Variants in MEPE observed in about 807,000 individuals in gnomAD.
MEPE encodes matrix extracellular phosphoglycoprotein.
In MEPE, 7 loss-of-function variants were observed where a neutral mutation model predicts 7.3. The observed-to-expected ratio is 0.95, with a 90% CI of 0.54 to 1.79. The LOEUF is 1.79. MEPE is among the 40% of genes most tolerant of loss of function. The pLI is 0.00. For missense variants in MEPE, 623 were observed against 628.2 expected, an observed-to-expected ratio of 0.99 and a Z score of 0.09; for synonymous variants, 214 against 213.1, an observed-to-expected ratio of 1.00 and a Z score of -0.04.
At chr4:87,822,270 C>T (rs1722355798) in intron 1 of MEPE, among the ~76,000 whole-genome samples, 1 of 152,166 alleles carries the variant, frequency 6.6e-6, no homozygotes, top group African/African-American at 2.4e-5. Context: ...AATCACCTGA[C>T]TCATCATGCT....
chr4:87,840,852 GA>G (rs1475237358), intron 3 of MEPE, among the ~76,000 whole-genome samples: 1 of 152,104 alleles, frequency 6.6e-6, no homozygotes, highest in Non-Finnish European at 1.5e-5. Context: ...CGTTCTCCAT[GA>G]AAAAACTCAT....
At chr4:87,839,811 T>G (rs1021785009) in intron 3 of MEPE, 1 of 1,545,304 alleles carries the variant, frequency 6.5e-7, no homozygotes, top group African/African-American at 1.4e-5. Context: ...ATTCTCAGCA[T>G]GACTAAACTC....
intron 3 of MEPE, chr4:87,839,955 C>G: frequency 6.5e-7 from 1 of 1,535,684 alleles, no homozygotes; most frequent in Admixed American, 2.0e-5. Flanking sequence ...CTACAAAACT[C>G]TGGGTCCCAG....
intron 2 of MEPE, among the ~76,000 whole-genome samples, chr4:87,835,674 G>C (rs1006111010): frequency 6.6e-6 from 1 of 151,972 alleles, no homozygotes; most frequent in African/African-American, 2.4e-5. Context: ...GTGCAACAAG[G>C]GTGTGCAGTA....
chr4:87,823,873 T>C (rs565167162), intron 1 of MEPE, among the ~76,000 whole-genome samples: 8 of 152,224 alleles, frequency 5.3e-5, no homozygotes, highest in Non-Finnish European at 1.2e-4. Context: ...GGACATTTTG[T>C]TTATCCATGT....
At chr4:87,838,961 G>T (rs544689618) in intron 3 of MEPE, among the ~76,000 whole-genome samples, 1 of 152,122 alleles carries the variant, frequency 6.6e-6, no homozygotes, top group Non-Finnish European at 1.5e-5. Flanking sequence ...ACCTTCATGG[G>T]GCTAAGTGAG....
intron 1 of MEPE, among the ~76,000 whole-genome samples, chr4:87,826,359 C>T (rs6812310): frequency 0.81 from 122,140 of 151,640 alleles, 49,592 homozygotes; most frequent in African/African-American, 0.91. Context: ...GCTAGGACTG[C>T]AGGTGCACAC....
Position 87,845,346 on chromosome 4 carries a change from G to A in MEPE, c.478G>A (p.Ala160Thr). 4.3e-6 allele frequency: 7 copies of A among 1,613,994 alleles called. No homozygotes were observed. The highest frequency in any genetic ancestry group is 5.9e-6 in the Non-Finnish European group (7 of 1,179,950). The change falls in exon 4 of 4, where the codon GCG becomes ACG. Residue 160 changes from alanine to threonine, a missense_variant. Physicochemically the swap from Ala to Thr is moderately conservative, Grantham distance 58 (BLOSUM62 0). Transcript: ENST00000361056. ...NMQHIMGPVT[A>T]IKLLGEENKE... ...GCAACATATAATGGGGCCAGTGACT[G>A]CGATTAAACTCCTGGGGGAAGAAAA... is the stretch of plus-strand genomic sequence containing the variant.
At chr4:87,843,032 A>G (rs187111725) in intron 3 of MEPE, among the ~76,000 whole-genome samples, 13 of 152,168 alleles carry the variant, frequency 8.5e-5, no homozygotes, top group Non-Finnish European at 1.8e-4. Context: ...TTTTCACCCT[A>G]TCTTCATTTT....
intron 2 of MEPE, among the ~76,000 whole-genome samples, chr4:87,835,013 A>G (rs986089185): frequency 3.9e-5 from 6 of 152,246 alleles, no homozygotes; most frequent in African/African-American, 1.4e-4. Context: ...AGATTTTTTG[A>G]GAAAACCAAG....
At chr4:87,833,917 G>A (rs531880642) in intron 1 of MEPE, among the ~76,000 whole-genome samples, 1 of 152,288 alleles carries the variant, frequency 6.6e-6, no homozygotes, top group South Asian at 2.1e-4. Flanking sequence ...AGAGAGTCTT[G>A]ATGAAGAAAA....
upstream of MEPE, among the ~76,000 whole-genome samples, chr4:87,831,529 G>T (rs112185078): frequency 6.6e-6 from 1 of 151,908 alleles, no homozygotes; most frequent in African/African-American, 2.4e-5. Context: ...CCCTTCTGCC[G>T]CACTCAGGTT....
intron 1 of MEPE, among the ~76,000 whole-genome samples, chr4:87,821,765 G>T (rs1722343500): frequency 6.6e-6 from 1 of 152,126 alleles, no homozygotes. Context: ...CCGTAAGCCT[G>T]CAAGGGTGCT....
chr4:87,823,960 G>A (rs997667072), intron 1 of MEPE, among the ~76,000 whole-genome samples: 1 of 152,120 alleles, frequency 6.6e-6, no homozygotes, highest in Non-Finnish European at 1.5e-5. Flanking sequence ...TGATTTGTTG[G>A]TTGAAGAATA....
chr4:87,828,315 T>A (rs1418384913), upstream of MEPE, among the ~76,000 whole-genome samples: 2 of 152,188 alleles, frequency 1.3e-5, no homozygotes, highest in African/African-American at 4.8e-5. Flanking sequence ...TTTGGCAAGT[T>A]AGAACATACA....
chr4:87,829,548 G>A (rs1722548025), upstream of MEPE, among the ~76,000 whole-genome samples: 1 of 152,090 alleles, frequency 6.6e-6, no homozygotes, highest in Admixed American at 6.6e-5. Context: ...ATAAAAAAAT[G>A]AACATTTCCT....
chr4:87,837,355 C>T (rs75955762), intron 2 of MEPE, among the ~76,000 whole-genome samples: 40 of 152,188 alleles, frequency 2.6e-4, no homozygotes, highest in East Asian at 1.4e-3. Context: ...TCCTTCCCCC[C>T]CTCCAGACTC....
chr4:87,846,387 A>C lies in MEPE; in HGVS notation c.1519A>C (p.Arg507=), dbSNP rs757627001. 6.2e-7 allele frequency: 1 copy of C among 1,614,052 alleles called. No individual in the cohort carries two copies. Among genetic ancestry groups the C allele is most frequent in the Non-Finnish European group, 8.5e-7 (1 of 1,179,950 alleles). ...CAACAGGAGGTTTAGTTCCCGTAGA[A>C]GGGATGACAGTAGTGAGTCATCTGA... The part of the protein sequence containing the change: ...HSNRRFSSRR[R]DDSSESSDSG... The change falls in exon 4 of 4, where the codon AGG becomes CGG. Residue 507 remains arginine (R), a synonymous_variant. Transcript: ENST00000361056.
chr4:87,835,299 T>C (rs72875479), intron 2 of MEPE, among the ~76,000 whole-genome samples: 8,878 of 152,308 alleles, frequency 0.058, 318 homozygotes, highest in African/African-American at 0.094. Flanking sequence ...ACCTCCAAGC[T>C]TAACCCAAAT....
Sources: gnomAD v4.1 joint callset for allele counts (sites outside exome capture counted in the v4.1 genomes callset) on GRCh38, gnomAD v4.1.1 for gene constraint, MANE v1.5 for transcripts, NCBI Gene and HGNC (gene_info 2026-07-23, HGNC 2026-07-21) for gene names.